ZNF239: variants seen among roughly 807,000 people sequenced by gnomAD.
ZNF239 encodes the protein zinc finger protein 239, also known as zinc finger protein (C2H2) homologous to mouse MOK-2.
A neutral mutation model predicts 27.5 loss-of-function variants in ZNF239; 16 were observed. The ratio of observed to expected loss-of-function variants is 0.58; its 90% CI spans 0.39 to 0.88. ZNF239 has a LOEUF of 0.88. ZNF239 is among the 40% of genes least tolerant of loss of function. The pLI, the probability that ZNF239 is intolerant of heterozygous loss-of-function variation, is 0.00. For missense variants in ZNF239, 527 were observed against 551.9 expected (o/e 0.95, Z 0.45); for synonymous variants, 199 against 192.6 (o/e 1.03, Z -0.27).
In ZNF239 at chr10:43,556,830, T is replaced by A; in HGVS notation, c.1250A>T (p.Lys417Ile). 6.2e-7 allele frequency: 1 copy of A among 1,613,460 alleles called. No individual in the cohort carries two copies. Among genetic ancestry groups the A allele is most frequent in the Non-Finnish European group, 8.5e-7 (1 of 1,179,862 alleles). Residue 417 changes from lysine (K) to isoleucine (I), a missense_variant, in exon 4 of 4, where the codon AAA becomes ATA. Transcript: ENST00000374446. ...ATGTACTCTCTGGTGGATGAGGAGT[T>A]TGGAACTCTGGCTAAATCCCTTCCC... ...KCGKGFSQSSKLLIHQRVHTG... is the reference protein window; with the variant it reads ...KCGKGFSQSSILLIHQRVHTG...
intron 2 of ZNF239, 76 bp from the exon 3 acceptor site, chr10:43,568,097 G>A: frequency 1.0e-6 from 1 of 985,746 alleles, no homozygotes; most frequent in South Asian, 4.7e-5. Context: ...GAAGTCAGCA[G>A]CACTGGAAAA....
intron 2 of ZNF239, among the ~76,000 whole-genome samples, chr10:43,568,684 T>G (rs1209735231): frequency 2.0e-5 from 3 of 152,154 alleles, no homozygotes; most frequent in African/African-American, 7.2e-5. Context: ...AGCCCTAACC[T>G]CTTACCTCAC....
chr10:43,558,011 A>C lies in ZNF239; in HGVS notation c.69T>G (p.Pro23=). ...VNHRGEVDGE[P]ELDISPCQQW... ...GTTGACAAGGGGAAATATCTAGTTC[A>C]GGCTCCCCATCCACTTCCCCTCGAT... is the stretch of plus-strand genomic sequence containing the variant. Residue 23 remains proline (P), a synonymous_variant, in exon 4 of 4, where the codon CCT becomes CCG. Transcript: ENST00000374446. The C allele has an allele frequency of 6.2e-7, 1 of 1,614,196 alleles. No homozygotes were observed. The highest frequency in any genetic ancestry group is 1.6e-4 in the Middle Eastern group (1 of 6,062).
In ZNF239 at chr10:43,557,524, T is replaced by C; in HGVS notation, c.556A>G (p.Lys186Glu). 6.2e-7 allele frequency: 1 copy of C among 1,614,202 alleles called. No individual in the cohort carries two copies. Among genetic ancestry groups the C allele is most frequent in the Admixed American group, 1.7e-5 (1 of 60,022 alleles). ...CCATCTGGGCTGGTGTTAAGTATTTTCCCACAGTTATTATGGTCACAGGGT... is the reference window on the plus strand; with the variant it reads ...CCATCTGGGCTGGTGTTAAGTATTTCCCCACAGTTATTATGGTCACAGGGT... ...EKPCDHNNCG[K>E]ILNTSPDGHP... Residue 186 changes from lysine to glutamate, a missense_variant, in exon 4 of 4, where the codon AAA (lysine) becomes GAA (glutamate). By Grantham distance (56) the Lys-to-Glu change is moderately conservative. Coordinates refer to ENST00000374446, the MANE Select transcript of ZNF239 (RefSeq NM_001099282.2).
intron 2 of ZNF239, chr10:43,568,437 G>GT: frequency 5.1e-6 from 5 of 985,406 alleles, no homozygotes; most frequent in Non-Finnish European, 6.0e-6. Flanking sequence ...TCATCAAACT[G>GT]TAATAACCAT....
intron 3 of ZNF239, among the ~76,000 whole-genome samples, chr10:43,565,817 G>GAAAAAAAAAA (rs36039838): frequency 2.2e-4 from 15 of 67,146 alleles, no homozygotes; most frequent in Admixed American, 2.7e-4. Flanking sequence ...TCCATCTCAA[G>GAAAAAAAAAA]AAAAAAAAAA....
intron 3 of ZNF239, among the ~76,000 whole-genome samples, chr10:43,559,433 C>T (rs1028511359): frequency 5.3e-5 from 8 of 152,094 alleles, no homozygotes; most frequent in Non-Finnish European, 1.0e-4. Flanking sequence ...AAGGAGGCAC[C>T]AAGCCTGTTC....
At position 43,557,406 on chromosome 10, in the gene ZNF239, T is replaced by C; in HGVS notation, c.674A>G (p.His225Arg). ...TTTTTCTTCTGTGTGGTCTCTCTGATGAAGTAGTAGCTCTGAGCTTTGACT... is the reference window on the plus strand; with the variant it reads ...TTTTTCTTCTGTGTGGTCTCTCTGACGAAGTAGTAGCTCTGAGCTTTGACT... ...NFSQSSELLL[H>R]QRDHTEEKPY... is the part of the protein sequence containing the mutation. Residue 225 changes from histidine (H) to arginine (R), a missense_variant, in exon 4 of 4, where the codon CAT (histidine) becomes CGT (arginine). Physicochemically the swap from His to Arg is conservative, Grantham distance 29. Transcript: ENST00000374446. 1 of 1,614,224 alleles carries C rather than the reference T, an allele frequency of 6.2e-7. No homozygotes were observed. The highest frequency in any genetic ancestry group is 8.5e-7 in the Non-Finnish European group (1 of 1,180,038).
At chr10:43,565,702 C>A (rs938339472) in intron 3 of ZNF239, among the ~76,000 whole-genome samples, 3 of 151,514 alleles carry the variant, frequency 2.0e-5, no homozygotes, top group Admixed American at 2.0e-4. Context: ...GTAGTCCCAG[C>A]TACTCAGGAG....
chr10:43,567,873 G>A (rs919969461), intron 3 of ZNF239, 26 bp downstream of exon 3: 2 of 981,924 alleles, frequency 2.0e-6, no homozygotes, highest in Non-Finnish European at 2.4e-6. Flanking sequence ...ATGGGCAGGT[G>A]TCCAAGTTCA....
intron 2 of ZNF239, among the ~76,000 whole-genome samples, chr10:43,572,105 G>A (rs1838072464): frequency 6.6e-6 from 1 of 152,152 alleles, no homozygotes; most frequent in South Asian, 2.1e-4. Context: ...TAAGGACAAT[G>A]TGTGGTACAT....
In ZNF239 at chr10:43,557,791, C is replaced by T. The variant is rs369188748; in HGVS notation, c.289G>A (p.Val97Ile). ...TTTCTCTCAGTGCTTTCTTCCATTA[C>T]AAAGAGACGTCTGCTTTCCTGATGA... ...QDHQESRRLF[V>I]MEESTERKVI... Residue 97 changes from valine (V) to isoleucine (I), a missense_variant, in exon 4 of 4, where the codon GTA becomes ATA. Coordinates refer to ENST00000374446, the MANE Select transcript of ZNF239 (RefSeq NM_001099282.2). 2.6e-5 allele frequency: 42 copies of T among 1,614,092 alleles called. No homozygotes were observed. Among genetic ancestry groups the T allele is most frequent in the Non-Finnish European group, 3.2e-5 (38 of 1,180,052 alleles).
chr10:43,567,813 T>G (rs1714413643), intron 3 of ZNF239, 86 bp downstream of exon 3: 1 of 756,608 alleles, frequency 1.3e-6, no homozygotes, highest in Non-Finnish European at 1.6e-6. Flanking sequence ...CTTAGAATAG[T>G]CAGAAAACAT....
chr10:43,570,521 T>TA, intron 2 of ZNF239: 1 of 985,194 alleles, frequency 1.0e-6, no homozygotes, highest in Non-Finnish European at 1.2e-6. Context: ...TCCCTTCTTC[T>TA]ATCTTCAGAG....
intron 1 of ZNF239, 82 bp from the exon 2 acceptor site, chr10:43,573,759 C>CT: frequency 2.0e-6 from 1 of 510,024 alleles, no homozygotes; most frequent in Non-Finnish European, 2.5e-6. Flanking sequence ...TACTCCGCTC[C>CT]TGCCTCTGAC....
Position 43,557,148 on chromosome 10 carries a change from C to T in ZNF239, c.932G>A (p.Arg311Gln), listed in dbSNP as rs539660944. 22 of 1,613,634 alleles carry T rather than the reference C, an allele frequency of 1.4e-5. No individual in the cohort carries two copies. Among genetic ancestry groups the T allele is most frequent in the East Asian group, 8.9e-5 (4 of 44,870 alleles). The change falls in exon 4 of 4, where the codon CGA (arginine) becomes CAA (glutamine). Residue 311 changes from arginine to glutamine, a missense_variant. Physicochemically the swap from Arg to Gln is conservative, Grantham distance 43. Coordinates refer to ENST00000374446, the MANE Select transcript of ZNF239 (RefSeq NM_001099282.2). Reference sequence around the variant, plus strand: ...ATAGGGCTTCTCTCCAGTGTGGACTCGCTGGTGGATGTGCAGTTTGGAGCT... The same window carrying T: ...ATAGGGCTTCTCTCCAGTGTGGACTTGCTGGTGGATGTGCAGTTTGGAGCT... ...SQSSKLHIHQ[R>Q]VHTGEKPYEC...
In ZNF239 at chr10:43,567,931, C is replaced by T. The variant is rs533433851; in HGVS notation, c.-125G>A. The T allele has an allele frequency of 2.0e-6, 2 of 985,874 alleles. No homozygotes were observed. The highest frequency in any genetic ancestry group is 3.5e-5 in the African/African-American group (2 of 57,360). 61.1% of individuals were successfully genotyped at this position (985,874 alleles called of 1,614,324 possible). Reference sequence around the variant, plus strand: ...AAGTTTCTGTAGTTGCCCAGCATCACAGCTCCGCACAGCTTCCTGGGAGCA... The same window carrying T: ...AAGTTTCTGTAGTTGCCCAGCATCATAGCTCCGCACAGCTTCCTGGGAGCA... On this transcript the variant is annotated 5_prime_UTR_variant, in exon 3 of 4. The change creates a new upstream start codon in the 5' untranslated region. Coordinates refer to ENST00000374446, the MANE Select transcript of ZNF239 (RefSeq NM_001099282.2).
At chr10:43,561,136 A>G (rs2132249467) in intron 3 of ZNF239, among the ~76,000 whole-genome samples, 1 of 152,308 alleles carries the variant, frequency 6.6e-6, no homozygotes, top group South Asian at 2.1e-4. Context: ...AAATAGAAAG[A>G]TAAAAGTAAA....
chr10:43,557,051 T>C lies in ZNF239; in HGVS notation c.1029A>G (p.Gly343=). The C allele has an allele frequency of 6.2e-7, 1 of 1,613,068 alleles. No individual in the cohort carries two copies. The highest frequency in any genetic ancestry group is 1.1e-5 in the South Asian group (1 of 91,024). ...ACTCACCACACTTGTAGGGCCTCTCTCCTGTGTGTACTCGCTGGTGGATGT... is the reference window on the plus strand; with the variant it reads ...ACTCACCACACTTGTAGGGCCTCTCCCCTGTGTGTACTCGCTGGTGGATGT... The part of the protein sequence containing the change: ...NLHIHQRVHT[G]ERPYKCGECG... Residue 343 remains glycine (G), a synonymous_variant, in exon 4 of 4, where the codon GGA becomes GGG. Transcript: ENST00000374446.
Sources: allele counts gnomAD v4.1 joint callset (sites outside exome capture counted in the v4.1 genomes callset), GRCh38; gene constraint gnomAD v4.1.1; transcripts MANE v1.5; gene names NCBI Gene and HGNC (gene_info 2026-07-23, HGNC 2026-07-21).